The following LY6S variants were observed in gnomAD, a reference collection of about 807,000 sequenced individuals.
The protein encoded by LY6S is lymphocyte antigen 6S.
At chr8:143,056,320 T>TCG in the LY6S span, among the ~76,000 whole-genome samples, 1 of 151,204 alleles carries the variant, frequency 6.6e-6, no homozygotes. Context: ...TTGGTGCTTG[T>TCG]CCAAGGACTT....
At chr8:143,056,205 C>T in the LY6S span, among the ~76,000 whole-genome samples, 1 of 143,782 alleles carries the variant, frequency 7.0e-6, no homozygotes, top group Non-Finnish European at 1.5e-5. Flanking sequence ...ACATTTGGAT[C>T]GAAAAGAGAA....
chr8:143,070,482 TA>T, the LY6S span, among the ~76,000 whole-genome samples: 5 of 104,256 alleles, frequency 4.8e-5, no homozygotes, highest in East Asian at 3.0e-4. Context: ...TATAAATATA[TA>T]TATATATTTT....
chr8:143,072,290 T>C, the LY6S span, among the ~76,000 whole-genome samples: 9 of 147,512 alleles, frequency 6.1e-5, no homozygotes, highest in Non-Finnish European at 1.2e-4. Flanking sequence ...GGTTCCTGTT[T>C]GAGGAGACAG....
At chr8:143,041,264 C>A in the LY6S span, among the ~76,000 whole-genome samples, 2 of 152,176 alleles carry the variant, frequency 1.3e-5, no homozygotes, top group African/African-American at 4.8e-5. Flanking sequence ...GTCCCCAAAG[C>A]AGACATTTCA....
At chr8:143,044,978 T>C in the LY6S span, among the ~76,000 whole-genome samples, 1 of 152,064 alleles carries the variant, frequency 6.6e-6, no homozygotes. Flanking sequence ...CTGCAACTGG[T>C]GGCCTGCAAC....
the LY6S span, among the ~76,000 whole-genome samples, chr8:143,050,123 C>T: frequency 6.6e-6 from 1 of 151,690 alleles, no homozygotes; most frequent in African/African-American, 2.4e-5. Context: ...GGCCTGGCTG[C>T]CTTAGGGCAG....
At chr8:143,062,710 C>A in the LY6S span, among the ~76,000 whole-genome samples, 1 of 152,018 alleles carries the variant, frequency 6.6e-6, no homozygotes, top group East Asian at 1.9e-4. Context: ...AAATGGAGAT[C>A]TATATAAGGA....
chr8:143,057,675 C>A, the LY6S span: 2 of 867,408 alleles, frequency 2.3e-6, no homozygotes, highest in South Asian at 1.3e-5. Context: ...CAGCCGCTGG[C>A]GGGATGAATC....
chr8:143,046,693 G>A, the LY6S span, among the ~76,000 whole-genome samples: 194 of 151,758 alleles, frequency 1.3e-3, no homozygotes, highest in African/African-American at 4.4e-3. Flanking sequence ...ACTATGGGAG[G>A]AATTTAGTTC....
chr8:143,040,907 G>A, the LY6S span, among the ~76,000 whole-genome samples: 6 of 152,274 alleles, frequency 3.9e-5, no homozygotes, highest in East Asian at 1.9e-4. Context: ...CCCCTGAGCC[G>A]TAAAACCAGC....
At chr8:143,049,709 C>T in the LY6S span, among the ~76,000 whole-genome samples, 5 of 152,220 alleles carry the variant, frequency 3.3e-5, no homozygotes, top group Admixed American at 6.5e-5. Context: ...TCACCCCCTC[C>T]TTATGCTCCT....
At chr8:143,066,930 T>A in the LY6S span, among the ~76,000 whole-genome samples, 1 of 152,162 alleles carries the variant, frequency 6.6e-6, no homozygotes, top group Non-Finnish European at 1.5e-5. Context: ...CCAAATATCA[T>A]GGGGAAAAGG....
At chr8:143,070,737 G>A in the LY6S span, among the ~76,000 whole-genome samples, 4 of 151,358 alleles carry the variant, frequency 2.6e-5, no homozygotes, top group African/African-American at 4.9e-5. Context: ...CACTCGCCTC[G>A]GCCTCCCAAA....
At chr8:143,072,623 T>C in the LY6S span, among the ~76,000 whole-genome samples, 1,475 of 34,484 alleles carry the variant, frequency 0.043, no homozygotes, top group Admixed American at 0.066. Flanking sequence ...TCCTCGGGGT[T>C]CCTGTTTGAG....
chr8:143,063,652 G>C, the LY6S span, among the ~76,000 whole-genome samples: 2 of 152,212 alleles, frequency 1.3e-5, no homozygotes, highest in Non-Finnish European at 2.9e-5. Flanking sequence ...AAAACACCTG[G>C]TCAATAATTT....
the LY6S span, among the ~76,000 whole-genome samples, chr8:143,061,290 G>A: frequency 1.9e-3 from 284 of 151,188 alleles, no homozygotes; most frequent in Admixed American, 2.0e-3. Flanking sequence ...TGAATGAAAA[G>A]AATGGGAAAA....
chr8:143,042,888 T>TG, the LY6S span: 5 of 677,888 alleles, frequency 7.4e-6, no homozygotes, highest in Admixed American at 2.2e-5. Context: ...GTGGTGTTGT[T>TG]GGGGGGCATG....
At chr8:143,045,141 C>T in the LY6S span, among the ~76,000 whole-genome samples, 1 of 152,172 alleles carries the variant, frequency 6.6e-6, no homozygotes, top group Non-Finnish European at 1.5e-5. This position sits in a 1 kb window ranked among gnomAD's most constrained non-coding sequence, Gnocchi z 5.3. Context: ...CACCAGTCAC[C>T]TCTGCCACCG....
At chr8:143,043,481 T>C in the LY6S span, among the ~76,000 whole-genome samples, 11 of 152,254 alleles carry the variant, frequency 7.2e-5, no homozygotes, top group African/African-American at 2.6e-4. Context: ...CGGAGCCCTT[T>C]CACTTAGGGG....
Sources: gnomAD v4.1 joint callset for allele counts (sites outside exome capture counted in the v4.1 genomes callset) on GRCh38, gnomAD v4.1.1 for gene constraint, Gnocchi (gnomAD v3.1) non-coding constraint, MANE v1.5 for transcripts, NCBI Gene and HGNC (gene_info 2026-07-23, HGNC 2026-07-21) for gene names.